The following NRXN3 variants were observed in gnomAD, a reference collection of about 807,000 sequenced individuals.
NRXN3 encodes neurexin III.
In NRXN3, 32 loss-of-function variants were observed where a neutral mutation model predicts 137.6. The observed-to-expected ratio is 0.23, with a 90% CI of 0.18 to 0.31. NRXN3 has a LOEUF of 0.31. NRXN3 is among the 10% of genes least tolerant of loss of function. The pLI, the probability that NRXN3 is intolerant of heterozygous loss-of-function variation, is 1.00. For missense variants in NRXN3, 1,574 were observed against 2,062.5 expected, an observed-to-expected ratio of 0.76 and a Z score of 4.59; for synonymous variants, 798 against 784.5, an observed-to-expected ratio of 1.02 and a Z score of -0.29.
intron 10 of NRXN3, among the ~76,000 whole-genome samples, chr14:78,844,440 A>G (rs1447475611): frequency 1.3e-5 from 2 of 152,082 alleles, no homozygotes; most frequent in Non-Finnish European, 2.9e-5. Context: ...TCAACTCACT[A>G]GACCTGAATT....
chr14:78,832,358 C>T (rs2098984880), intron 10 of NRXN3, among the ~76,000 whole-genome samples: 1 of 152,062 alleles, frequency 6.6e-6, no homozygotes, highest in South Asian at 2.1e-4. Context: ...GGATGTTTTA[C>T]TTTATAAGGA....
intron 10 of NRXN3, among the ~76,000 whole-genome samples, chr14:78,822,391 G>C (rs537653723): frequency 2.0e-5 from 3 of 152,186 alleles, no homozygotes; most frequent in African/African-American, 7.2e-5. Context: ...TGTTCATATG[G>C]AGGCTGGGTG....
chr14:79,792,592 A>G (rs983256456), intron 19 of NRXN3, among the ~76,000 whole-genome samples: 12 of 152,242 alleles, frequency 7.9e-5, no homozygotes, highest in African/African-American at 2.9e-4. Flanking sequence ...GTCCCAGCAA[A>G]TGACATATTG....
rs140878818 is a variant in NRXN3 at position 79,194,840 on chromosome 14, G to T, written c.3262+206699G>T. ...AAGTCTTGAGCTCTATTTGTTTACAGTTTTCAAATTCTCAGCTTCTGCCTG... is the reference window on the plus strand; with the variant it reads ...AAGTCTTGAGCTCTATTTGTTTACATTTTTCAAATTCTCAGCTTCTGCCTG... On this transcript the variant is annotated intron_variant, in intron 15 of 20. Coordinates refer to ENST00000335750, the MANE Select transcript of NRXN3 (RefSeq NM_001330195.2). Among the ~76,000 whole-genome samples, 465 of 152,264 alleles carry T rather than the reference G, an allele frequency of 3.1e-3. 1 individual carries two copies. Among genetic ancestry groups the T allele is most frequent in the African/African-American group, 0.011 (450 of 41,554 alleles).
At chr14:79,225,833 T>G (rs1469601824) in intron 15 of NRXN3, among the ~76,000 whole-genome samples, 1 of 152,174 alleles carries the variant, frequency 6.6e-6, no homozygotes, top group East Asian at 1.9e-4. Context: ...GGGGTTTTTT[T>G]GCTGGCTGAA....
chr14:79,748,400 G>A (rs1038395112), intron 19 of NRXN3, among the ~76,000 whole-genome samples: 14 of 152,064 alleles, frequency 9.2e-5, no homozygotes, highest in African/African-American at 3.4e-4. Context: ...AGGGTAAAGT[G>A]TGGATTATTA....
In NRXN3 at chr14:79,861,010, A is replaced by AT. The variant is rs2099412958; in HGVS notation, c.4094-330dup. 5.3e-6 allele frequency: 7 copies of AT among 1,325,732 alleles called. No individual in the cohort carries two copies. The highest frequency in any genetic ancestry group is 6.9e-6 in the Non-Finnish European group (7 of 1,010,236). The allele number at this position is 1,325,732 out of a possible 1,614,324, so 82.1% of individuals were successfully genotyped here. ...GTGAGAGTTGTTTACAAATATACTA[A>AT]TTGTTTTTCTTTTTCTTTTCCATCC... On this transcript the variant is annotated intron_variant, in intron 20 of 20. Transcript: ENST00000335750. The surrounding 1 kb of genome is among the most constrained non-coding windows in gnomAD (Gnocchi z 5.4).
At chr14:79,839,830 T>C (rs2099352129) in intron 20 of NRXN3, among the ~76,000 whole-genome samples, 1 of 152,184 alleles carries the variant, frequency 6.6e-6, no homozygotes, top group African/African-American at 2.4e-5. Context: ...AACTGAAGCT[T>C]TCAAAATGTT....
Position 79,144,996 on chromosome 14 carries a change from G to T in NRXN3, c.3262+156855G>T, listed in dbSNP as rs184117627. Among the ~76,000 whole-genome samples the T allele has an allele frequency of 7.9e-5, 12 of 151,998 alleles. No homozygotes were observed. In the East Asian group the frequency reaches 2.3e-3, roughly 30 times the overall value. ...AGAATTGATGTTTGAATTCTCCTTG[G>T]CTAGAGTCAATCCTTTATCCTTTTT... On this transcript the variant is annotated intron_variant, in intron 15 of 20. Transcript: ENST00000335750.
At chr14:79,681,138 G>A (rs1467964352) in intron 17 of NRXN3, among the ~76,000 whole-genome samples, 4 of 152,116 alleles carry the variant, frequency 2.6e-5, no homozygotes, top group Non-Finnish European at 4.4e-5. Context: ...CTAAGGATAG[G>A]CAACAGGGGC....
chr14:79,425,393 T>A (rs1424093291), intron 15 of NRXN3, among the ~76,000 whole-genome samples: 1 of 152,220 alleles, frequency 6.6e-6, no homozygotes, highest in African/African-American at 2.4e-5. Flanking sequence ...AGAATCAGGT[T>A]GGATTCTTAG....
At chr14:79,491,131 T>A (rs2096712834) in intron 16 of NRXN3, among the ~76,000 whole-genome samples, 1 of 152,160 alleles carries the variant, frequency 6.6e-6, no homozygotes, top group Non-Finnish European at 1.5e-5. Context: ...ATTGCAAAGG[T>A]AGGAACTATT....
chr14:78,367,644 C>A (rs1376729163), intron 4 of NRXN3, among the ~76,000 whole-genome samples: 1 of 152,092 alleles, frequency 6.6e-6, no homozygotes, highest in Non-Finnish European at 1.5e-5. Context: ...ATCAAACCTG[C>A]CTTTGGGAAG....
intron 10 of NRXN3, among the ~76,000 whole-genome samples, chr14:78,941,042 C>T (rs945549286): frequency 1.6e-4 from 25 of 152,208 alleles, no homozygotes; most frequent in African/African-American, 5.3e-4. Flanking sequence ...AGTCAATTCA[C>T]ACTTTGAATT....
chr14:78,764,555 C>G (rs1230630281), intron 8 of NRXN3, among the ~76,000 whole-genome samples: 1 of 152,202 alleles, frequency 6.6e-6, no homozygotes, highest in African/African-American at 2.4e-5. Context: ...ATTCTCCCCC[C>G]ACCACCTCTT....
intron 10 of NRXN3, among the ~76,000 whole-genome samples, chr14:78,901,771 T>C (rs1055995459): frequency 6.6e-6 from 1 of 152,068 alleles, no homozygotes; most frequent in Non-Finnish European, 1.5e-5. Context: ...TTCGAGTTAC[T>C]TGTAACCATG....
At chr14:79,818,562 A>G (rs1436985668) in intron 20 of NRXN3, among the ~76,000 whole-genome samples, 1 of 150,738 alleles carries the variant, frequency 6.6e-6, no homozygotes, top group African/African-American at 2.5e-5. Context: ...AAAGCAAAAA[A>G]CAACAACAAC....
chr14:79,398,835 C>A lies in NRXN3; in HGVS notation c.3263-68386C>A, dbSNP rs182195314. Among the ~76,000 whole-genome samples the A allele has an allele frequency of 8.1e-3, 1,236 of 151,750 alleles. 11 individuals are homozygous for A. Among genetic ancestry groups the A allele is most frequent in the African/African-American group, 0.028 (1,169 of 41,394 alleles). On this transcript the variant is annotated intron_variant, in intron 15 of 20. Transcript: ENST00000335750. Reference sequence around the variant, plus strand: ...GACCAGCCTGGCCAAAATGGTGAAACCCTGTCTCTACTAAAAATACAAAAA... The same window carrying A: ...GACCAGCCTGGCCAAAATGGTGAAAACCTGTCTCTACTAAAAATACAAAAA...
At chr14:78,928,461 C>T (rs1259486242) in intron 10 of NRXN3, among the ~76,000 whole-genome samples, 1 of 152,092 alleles carries the variant, frequency 6.6e-6, no homozygotes, top group African/African-American at 2.4e-5. Context: ...TACTCCCACC[C>T]CACAACAGGC....
Sources: allele counts gnomAD v4.1 joint callset (sites outside exome capture counted in the v4.1 genomes callset), GRCh38; gene constraint gnomAD v4.1.1; non-coding constraint Gnocchi (gnomAD v3.1); transcripts MANE v1.5; gene names NCBI Gene and HGNC (gene_info 2026-07-23, HGNC 2026-07-21).